Variants in CSMD3 observed in about 807,000 individuals in gnomAD.
The protein encoded by CSMD3 is CUB and Sushi multiple domains 3.
In CSMD3, 177 loss-of-function variants were observed where a neutral mutation model predicts 435.2. That is an observed-to-expected ratio of 0.41 (90% confidence interval 0.36 to 0.46). CSMD3 has a LOEUF of 0.46. Ranked by LOEUF, CSMD3 falls within the 20% of genes least tolerant of loss-of-function variation. CSMD3 has a pLI of 0.34. For synonymous variants in CSMD3, 1,656 were observed against 1,520.5 expected (o/e 1.09, Z -2.07); for missense variants, 4,265 against 4,504.6 (o/e 0.95, Z 1.52).
At chr8:113,275,377 T>C (rs74792131) in intron 3 of CSMD3, among the ~76,000 whole-genome samples, 1,539 of 152,130 alleles carry the variant, frequency 0.01, 24 homozygotes, top group African/African-American at 0.033. Context: ...ACAATCTCAG[T>C]AGGCATAAGA....
At chr8:112,468,796 C>T (rs1357453275) in intron 32 of CSMD3, among the ~76,000 whole-genome samples, 2 of 151,848 alleles carry the variant, frequency 1.3e-5, no homozygotes, top group Admixed American at 1.3e-4. Flanking sequence ...ATGTATTAGT[C>T]TTATATGTAG....
At chr8:112,773,392 C>A (rs1254743460) in intron 13 of CSMD3, among the ~76,000 whole-genome samples, 1 of 151,956 alleles carries the variant, frequency 6.6e-6, no homozygotes, top group Non-Finnish European at 1.5e-5. Flanking sequence ...TGACCTGGTA[C>A]AATCACTCTG....
chr8:113,140,537 A>G (rs1354814158), intron 4 of CSMD3, among the ~76,000 whole-genome samples: 2 of 151,020 alleles, frequency 1.3e-5, no homozygotes, highest in East Asian at 1.9e-4. Context: ...CTAACTTAAA[A>G]TATTTAACAT....
intron 66 of CSMD3, 97 bp from the exon 67 acceptor site, chr8:112,237,445 CT>C: frequency 8.0e-6 from 7 of 872,538 alleles, no homozygotes; most frequent in Non-Finnish European, 1.3e-5. Context: ...TGATGTATTG[CT>C]AATACACAAT....
At chr8:113,037,359 T>A (rs546280062) in intron 5 of CSMD3, among the ~76,000 whole-genome samples, 1 of 152,244 alleles carries the variant, frequency 6.6e-6, no homozygotes, top group East Asian at 1.9e-4. Flanking sequence ...TCCAATATAT[T>A]TTTAAAAATG....
At chr8:113,153,483 T>A (rs143982283) in intron 4 of CSMD3, among the ~76,000 whole-genome samples, 1 of 152,102 alleles carries the variant, frequency 6.6e-6, no homozygotes, top group Non-Finnish European at 1.5e-5. Context: ...AAATGTTTTC[T>A]AACATTTGAA....
At chr8:112,227,740 G>A (rs1206933011) in intron 70 of CSMD3, among the ~76,000 whole-genome samples, 2 of 152,102 alleles carry the variant, frequency 1.3e-5, no homozygotes, top group East Asian at 3.9e-4. Flanking sequence ...AGATGTTGCA[G>A]ATTGACCCCA....
At chr8:112,496,138 T>A (rs1240760470) in intron 30 of CSMD3, among the ~76,000 whole-genome samples, 1 of 151,886 alleles carries the variant, frequency 6.6e-6, no homozygotes, top group Non-Finnish European at 1.5e-5. Flanking sequence ...CCCGGCCAAT[T>A]TTTTGTATTT....
At chr8:113,008,418 G>T (rs528034276) in intron 6 of CSMD3, among the ~76,000 whole-genome samples, 9 of 151,778 alleles carry the variant, frequency 5.9e-5, no homozygotes, top group Non-Finnish European at 1.2e-4. Context: ...TAGCTTAGCT[G>T]CCATAAGACG....
At chr8:112,518,316 CTAAG>C (rs1242590366) in intron 27 of CSMD3, among the ~76,000 whole-genome samples, 1 of 151,166 alleles carries the variant, frequency 6.6e-6, no homozygotes, top group Non-Finnish European at 1.5e-5. Flanking sequence ...GCCTGGGCAA[CTAAG>C]TGAGACTCTG....
At chr8:112,830,740 A>T (rs1235378106) in intron 11 of CSMD3, among the ~76,000 whole-genome samples, 3 of 151,810 alleles carry the variant, frequency 2.0e-5, no homozygotes, top group African/African-American at 4.8e-5. Context: ...AAAAATAATT[A>T]AAAATAAAGG....
At chr8:112,962,980 C>T (rs1030667749) in intron 7 of CSMD3, among the ~76,000 whole-genome samples, 1 of 151,912 alleles carries the variant, frequency 6.6e-6, no homozygotes, top group Non-Finnish European at 1.5e-5. Flanking sequence ...TTAACAAGAT[C>T]CCCAGGTGAT....
At chr8:113,074,433 T>C (rs1245125182) in intron 5 of CSMD3, among the ~76,000 whole-genome samples, 1 of 151,930 alleles carries the variant, frequency 6.6e-6, no homozygotes, top group South Asian at 2.1e-4. Context: ...TCAAGAGCTA[T>C]GGGATGTATA....
intron 33 of CSMD3, among the ~76,000 whole-genome samples, chr8:112,408,662 A>G (rs570349082): frequency 1.3e-5 from 2 of 152,084 alleles, no homozygotes; most frequent in East Asian, 3.9e-4. Context: ...TAAATATTTT[A>G]TATTACATTA....
intron 5 of CSMD3, among the ~76,000 whole-genome samples, chr8:113,087,400 G>A (rs2089831344): frequency 6.6e-6 from 1 of 151,644 alleles, no homozygotes; most frequent in African/African-American, 2.4e-5. Flanking sequence ...GCATCACCAA[G>A]TCAATCCTAA....
At chr8:113,422,241 A>G (rs1341953837) in intron 1 of CSMD3, among the ~76,000 whole-genome samples, 1 of 152,108 alleles carries the variant, frequency 6.6e-6, no homozygotes, top group Non-Finnish European at 1.5e-5. Context: ...TCCTCTGTTA[A>G]TCTCTTTATT....
At chr8:112,387,236 A>G (rs554400158) in intron 36 of CSMD3, among the ~76,000 whole-genome samples, 1 of 152,292 alleles carries the variant, frequency 6.6e-6, no homozygotes, top group East Asian at 1.9e-4. Context: ...CAATTATTCT[A>G]TATTATTGTA....
intron 41 of CSMD3, among the ~76,000 whole-genome samples, chr8:112,344,589 T>C (rs1337074972): frequency 6.6e-6 from 1 of 152,158 alleles, no homozygotes; most frequent in Non-Finnish European, 1.5e-5. Flanking sequence ...ACTCTAAAAC[T>C]ACCTGGTTTG....
chr8:113,281,115 T>G (rs1490259310), intron 2 of CSMD3, among the ~76,000 whole-genome samples: 1 of 151,970 alleles, frequency 6.6e-6, no homozygotes, highest in Non-Finnish European at 1.5e-5. Context: ...GAAAGTTTCA[T>G]GCATTGTTTA....
Sources: allele counts gnomAD v4.1 joint callset (sites outside exome capture counted in the v4.1 genomes callset), GRCh38; gene constraint gnomAD v4.1.1; transcripts MANE v1.5; gene names NCBI Gene and HGNC (gene_info 2026-07-23, HGNC 2026-07-21).